The following PTPRN2 variants were observed in gnomAD, a reference collection of about 807,000 sequenced individuals.
The protein encoded by PTPRN2 is receptor-type tyrosine-protein phosphatase N2.
In PTPRN2, 74 loss-of-function variants were observed where a neutral mutation model predicts 118.8. The ratio of observed to expected loss-of-function variants is 0.62; its 90% CI spans 0.52 to 0.76. The LOEUF (loss-of-function observed/expected upper bound fraction) is 0.76, where lower values mean the gene tolerates loss of function less well. Among genes scored for constraint, PTPRN2 ranks in the 30% least tolerant of loss-of-function variants. The pLI, the probability that PTPRN2 is intolerant of heterozygous loss-of-function variation, is 0.00. For synonymous variants in PTPRN2, 641 were observed against 608.0 expected (o/e 1.05, Z -0.80); for missense variants, 1,481 against 1,394.4 (o/e 1.06, Z -0.99).
At chr7:158,097,240 G>T (rs1814700173) in intron 10 of PTPRN2, among the ~76,000 whole-genome samples, 1 of 152,120 alleles carries the variant, frequency 6.6e-6, no homozygotes, top group South Asian at 2.1e-4. Context: ...CAGGCACTGG[G>T]GAAGGAGGTG....
At chr7:158,387,483 A>T (rs1305507498) in intron 2 of PTPRN2, among the ~76,000 whole-genome samples, 1 of 712 alleles carries the variant, frequency 1.4e-3, no homozygotes, top group Non-Finnish European at 4.7e-3. Flanking sequence ...GGGCGCATTT[A>T]CAAGTGGAGT....
At chr7:157,557,509 C>G (rs1434263855) in intron 21 of PTPRN2, among the ~76,000 whole-genome samples, 1 of 150,066 alleles carries the variant, frequency 6.7e-6, no homozygotes, top group Non-Finnish European at 1.5e-5. Flanking sequence ...GTACACACGG[C>G]ATGCATAGGC....
At chr7:157,546,259 T>C (rs565774366) in intron 22 of PTPRN2, among the ~76,000 whole-genome samples, 1 of 152,228 alleles carries the variant, frequency 6.6e-6, no homozygotes, top group African/African-American at 2.4e-5. Context: ...GTATGTGTTA[T>C]CATCTTGCTA....
chr7:158,441,441 AGTGG>A (rs1290605169), intron 2 of PTPRN2, among the ~76,000 whole-genome samples: 11 of 123,728 alleles, frequency 8.9e-5, no homozygotes, highest in South Asian at 8.1e-4. Context: ...TGGTGATGGC[AGTGG>A]TGGCAGTGGT....
intron 11 of PTPRN2, among the ~76,000 whole-genome samples, chr7:158,062,992 G>A (rs979303455): frequency 3.0e-4 from 46 of 152,228 alleles, no homozygotes; most frequent in African/African-American, 9.9e-4. Flanking sequence ...CTCCGCCTGC[G>A]GCCCTGGTGC....
chr7:157,620,435 T>C (rs1803090228), intron 15 of PTPRN2, among the ~76,000 whole-genome samples: 1 of 152,106 alleles, frequency 6.6e-6, no homozygotes, highest in African/African-American at 2.4e-5. Flanking sequence ...AGGTAGTAGG[T>C]GCTCAGTTTG....
At chr7:158,415,905 T>G (rs1356103503) in intron 2 of PTPRN2, among the ~76,000 whole-genome samples, 1 of 152,156 alleles carries the variant, frequency 6.6e-6, no homozygotes, top group Non-Finnish European at 1.5e-5. Flanking sequence ...GAGGGCTGGG[T>G]GGTCCCCTAG....
intron 3 of PTPRN2, among the ~76,000 whole-genome samples, chr7:158,210,381 C>T (rs530794768): frequency 7.4e-4 from 113 of 151,934 alleles, no homozygotes; most frequent in African/African-American, 2.5e-3. Flanking sequence ...GTGATCCGCC[C>T]GCCTCGGCCT....
intron 12 of PTPRN2, among the ~76,000 whole-genome samples, chr7:157,883,308 G>A (rs1034801932): frequency 6.7e-6 from 1 of 148,566 alleles, no homozygotes; most frequent in African/African-American, 2.5e-5. Context: ...CAAAATGATT[G>A]TTGGAGATCA....
At chr7:157,747,450 C>G (rs1801047348) in intron 12 of PTPRN2, among the ~76,000 whole-genome samples, 1 of 126,772 alleles carries the variant, frequency 7.9e-6, no homozygotes, top group Non-Finnish European at 1.6e-5. Context: ...ATTCTGAGGC[C>G]TGCGTCCCTG....
At chr7:158,030,461 C>T (rs1807606335) in intron 11 of PTPRN2, 1 of 152,226 alleles carries the variant, frequency 6.6e-6, no homozygotes, top group African/African-American at 2.4e-5. Context: ...GGCTCCAGCT[C>T]CTGTGTATGG....
chr7:157,929,131 C>T lies in PTPRN2; in HGVS notation c.1724-30394G>A, dbSNP rs1336014984. Reference sequence around the variant, plus strand: ...TGAAACGGTGAGACCATTCCTTCCACCCTTGTGTTTCCCTGGCATATGTGT... The same window carrying T: ...TGAAACGGTGAGACCATTCCTTCCATCCTTGTGTTTCCCTGGCATATGTGT... On this transcript the variant is annotated intron_variant, in intron 11 of 22. Transcript: ENST00000389418. This position sits in a 1 kb window ranked among gnomAD's most constrained non-coding sequence, Gnocchi z 4.4. 6.6e-6 allele frequency among the ~76,000 whole-genome samples: 1 copy of T among 152,168 alleles called. No homozygotes were observed. Among genetic ancestry groups the T allele is most frequent in the Admixed American group, 6.5e-5 (1 of 15,278 alleles).
rs187446818 is a variant in PTPRN2, at chr7:158,445,740, C to T, written c.163+43995G>A. ...GTGGGGCCAGGAGACCCTGAGAGGG[C>T]GCTCTGCCCCAAGTCAGCCTGTCCC... is the stretch of plus-strand genomic sequence containing the variant. On this transcript the variant is annotated intron_variant, in intron 2 of 22. Coordinates refer to ENST00000389418, the MANE Select transcript of PTPRN2 (RefSeq NM_002847.5). Among the ~76,000 whole-genome samples the T allele has an allele frequency of 6.9e-3, 1,045 of 152,324 alleles. 8 individuals are homozygous for T. Among genetic ancestry groups the T allele is most frequent in the African/African-American group, 0.023 (963 of 41,582 alleles).
At chr7:158,163,718 G>C (rs1324860075) in intron 6 of PTPRN2, among the ~76,000 whole-genome samples, 1 of 151,256 alleles carries the variant, frequency 6.6e-6, no homozygotes, top group Non-Finnish European at 1.5e-5. Flanking sequence ...GTATTTCATA[G>C]GTGATGCCTG....
rs542575438 is a variant in PTPRN2, at chr7:157,594,289, T to C, written c.2496+949A>G. Among the ~76,000 whole-genome samples, 49 of 152,334 alleles carry C rather than the reference T, an allele frequency of 3.2e-4. No individual in the cohort carries two copies. In the East Asian group the frequency reaches 9.3e-3, roughly 29 times the overall value. On this transcript the variant is annotated intron_variant, in intron 17 of 22. Transcript: ENST00000389418. ...GGAAGTAAAGGGAATAGGAAGAGCC[T>C]GGGGCAGAAGTGAATTTACCAACTC...
At chr7:157,820,626 A>G (rs1375411769) in intron 12 of PTPRN2, among the ~76,000 whole-genome samples, 1 of 151,734 alleles carries the variant, frequency 6.6e-6, no homozygotes, top group Non-Finnish European at 1.5e-5. Context: ...CACACAGCAG[A>G]CCCCTACACA....
intron 12 of PTPRN2, among the ~76,000 whole-genome samples, chr7:157,714,959 G>A (rs948092364): frequency 1.4e-4 from 20 of 140,096 alleles, no homozygotes; most frequent in African/African-American, 5.1e-4. Context: ...CCCGCTTTCC[G>A]AGGCCAGCTC....
chr7:158,169,366 C>T (rs893991897), intron 5 of PTPRN2, among the ~76,000 whole-genome samples: 1 of 151,576 alleles, frequency 6.6e-6, no homozygotes, highest in Non-Finnish European at 1.5e-5. Flanking sequence ...TCTCTGCCTC[C>T]CAAGTAGCTG....
chr7:157,652,505 C>T (rs1348824571), intron 14 of PTPRN2, among the ~76,000 whole-genome samples: 2 of 152,246 alleles, frequency 1.3e-5, no homozygotes, highest in Non-Finnish European at 2.9e-5. Context: ...TAGACCTGAC[C>T]ACCTGCTGTC....
Sources: allele counts gnomAD v4.1 joint callset (sites outside exome capture counted in the v4.1 genomes callset), GRCh38; gene constraint gnomAD v4.1.1; non-coding constraint Gnocchi (gnomAD v3.1); transcripts MANE v1.5; gene names NCBI Gene and HGNC (gene_info 2026-07-23, HGNC 2026-07-21).